The following TMEM41B variants were observed in gnomAD, a reference collection of about 807,000 sequenced individuals.
TMEM41B encodes transmembrane protein 41B, also known as protein stasimon.
A neutral mutation model predicts 31.9 loss-of-function variants in TMEM41B; 18 were observed. That is an observed-to-expected ratio of 0.56 (90% confidence interval 0.39 to 0.84). TMEM41B has a LOEUF of 0.84. TMEM41B is among the 40% of genes least tolerant of loss of function. The probability of loss-of-function intolerance (pLI) is 0.00; values close to 1 mark genes in which losing one functional copy is unlikely to be tolerated. For synonymous variants in TMEM41B, 144 were observed against 124.3 expected (o/e 1.16, Z -1.05); for missense variants, 322 against 348.0 (o/e 0.93, Z 0.59).
intron 6 of TMEM41B, among the ~76,000 whole-genome samples, chr11:9,285,558 C>A (rs980917109): frequency 2.0e-5 from 3 of 152,060 alleles, no homozygotes; most frequent in African/African-American, 7.2e-5. Context: ...AACATTCCTA[C>A]AAAGAATCAT....
At chr11:9,303,300 A>T (rs1853300654) in intron 1 of TMEM41B, among the ~76,000 whole-genome samples, 1 of 152,018 alleles carries the variant, frequency 6.6e-6, no homozygotes, top group Non-Finnish European at 1.5e-5. Context: ...TACCACACCC[A>T]GCTAATTTTT....
At chr11:9,303,547 T>C (rs1466766906) in intron 1 of TMEM41B, among the ~76,000 whole-genome samples, 1 of 152,156 alleles carries the variant, frequency 6.6e-6, no homozygotes, top group Non-Finnish European at 1.5e-5. Context: ...TTCTTACCTA[T>C]TCATTAAATT....
intron 2 of TMEM41B, among the ~76,000 whole-genome samples, chr11:9,298,096 C>G (rs1285529270): frequency 6.6e-6 from 1 of 150,824 alleles, no homozygotes. Flanking sequence ...GAGGTGTGAG[C>G]CCCTCTTTCT....
intron 2 of TMEM41B, among the ~76,000 whole-genome samples, chr11:9,296,673 A>G (rs1313604562): frequency 1.3e-5 from 2 of 152,114 alleles, no homozygotes; most frequent in African/African-American, 4.8e-5. Flanking sequence ...AAAACATTTA[A>G]CATCATTTTG....
intron 3 of TMEM41B, among the ~76,000 whole-genome samples, chr11:9,293,085 C>A (rs1331620018): frequency 6.6e-6 from 1 of 152,142 alleles, no homozygotes; most frequent in East Asian, 1.9e-4. Context: ...CATTTTATCT[C>A]TCTCCCTACA....
chr11:9,283,451 T>C lies in TMEM41B; in HGVS notation c.849A>G (p.Gln283=), dbSNP rs748340602. The change falls in exon 7 of 7, where the codon CAA becomes CAG. Residue 283 remains glutamine, a synonymous_variant. Transcript: ENST00000528080. ...ACTCAAATTTCTGCTTTAGTTTTTTTTGGAAGATGGCTGGCAGAATAGAAA... is the reference window on the plus strand; with the variant it reads ...ACTCAAATTTCTGCTTTAGTTTTTTCTGGAAGATGGCTGGCAGAATAGAAA... ...AVLSILPAIF[Q]KKLKQKFE The C allele has an allele frequency of 4.4e-6, 7 of 1,602,412 alleles. No homozygotes were observed. The South Asian group carries it at 6.9e-5, about 16-fold the overall frequency.
chr11:9,301,837 G>A (rs754365283), intron 1 of TMEM41B, among the ~76,000 whole-genome samples: 20 of 152,064 alleles, frequency 1.3e-4, no homozygotes, highest in Admixed American at 6.6e-4. Flanking sequence ...GTGGTACGCC[G>A]AAGACATGTA....
rs966379823 is a variant in TMEM41B at position 9,314,325 on chromosome 11, C to T, written c.117G>A (p.Gln39=). Reference sequence around the variant, plus strand: ...CTGCTCCCCGGGCCCACTCACCCTTCTGGTGGTCTCTGCTGCCAGGCGCCG... The same window carrying T: ...CTGCTCCCCGGGCCCACTCACCCTTTTGGTGGTCTCTGCTGCCAGGCGCCG... ...GLAAPGSRDH[Q]KEKSWVEAGS... is the part of the protein sequence containing the mutation. The change falls in exon 1 of 7, where the codon CAG becomes CAA. Residue 39 remains glutamine, a synonymous_variant. Transcript: ENST00000528080. The T allele has an allele frequency of 9.4e-6, 15 of 1,598,628 alleles. No homozygotes were observed. Among genetic ancestry groups the T allele is most frequent in the East Asian group, 2.3e-5 (1 of 44,072 alleles).
At position 9,303,408 on chromosome 11, in the gene TMEM41B, G is replaced by C. The variant is rs1346971542; in HGVS notation, c.122-3707C>G. Among the ~76,000 whole-genome samples the C allele has an allele frequency of 2.6e-5, 4 of 151,994 alleles. No homozygotes were observed. The East Asian group carries it at 5.8e-4, about 22-fold the overall frequency. ...GCCCACCTCGGCCTACCAAAGTGCA[G>C]GGATTATAGGCGTGAATGAGTGTGC... On this transcript the variant is annotated intron_variant, in intron 1 of 6. Coordinates refer to ENST00000528080, the MANE Select transcript of TMEM41B (RefSeq NM_015012.4).
chr11:9,305,988 T>C (rs1218948418), intron 1 of TMEM41B, among the ~76,000 whole-genome samples: 2 of 147,782 alleles, frequency 1.4e-5, no homozygotes, highest in African/African-American at 5.0e-5. Context: ...TCTTTTTTTT[T>C]TTTTTTTTGA....
At position 9,283,085 on chromosome 11, in the gene TMEM41B, T is replaced by C. The variant is rs910167818; in HGVS notation, c.*339A>G. The C allele has an allele frequency of 6.3e-6, 1 of 159,100 alleles. No individual in the cohort carries two copies. Among genetic ancestry groups the C allele is most frequent in the African/African-American group, 2.4e-5 (1 of 41,734 alleles). The allele number at this position is 159,100 out of a possible 1,614,324, so 9.9% of individuals were successfully genotyped here. Reference sequence around the variant, plus strand: ...AATTTAAAAATATCTATTTTAGTTATTAAAGATAAAAAATATTCAATTAAA... The same window carrying C: ...AATTTAAAAATATCTATTTTAGTTACTAAAGATAAAAAATATTCAATTAAA... On this transcript the variant is annotated 3_prime_UTR_variant, in exon 7 of 7. Coordinates refer to ENST00000528080, the MANE Select transcript of TMEM41B (RefSeq NM_015012.4).
At chr11:9,295,424 T>A (rs758518573) in intron 2 of TMEM41B, 37 bp from the exon 3 acceptor site, 1 of 1,325,954 alleles carries the variant, frequency 7.5e-7, no homozygotes, top group Non-Finnish European at 1.1e-6. Context: ...GAACAGAATT[T>A]TGCCAAGATA....
chr11:9,313,929 GCTTTATGA>G (rs1351591607), intron 1 of TMEM41B, among the ~76,000 whole-genome samples: 1 of 152,032 alleles, frequency 6.6e-6, no homozygotes, highest in African/African-American at 2.4e-5. Context: ...CACTGATCTG[GCTTTATGA>G]CTTTATAAGT....
chr11:9,289,319 G>T (rs1564960596), intron 3 of TMEM41B, among the ~76,000 whole-genome samples: 1 of 29,384 alleles, frequency 3.4e-5, no homozygotes, highest in African/African-American at 6.1e-5. Context: ...TTTTAAAATA[G>T]ATTTTTTTTT....
chr11:9,301,076 A>G (rs183150412), intron 1 of TMEM41B, among the ~76,000 whole-genome samples: 147 of 152,132 alleles, frequency 9.7e-4, no homozygotes, highest in African/African-American at 3.0e-3. Context: ...GTATACACTG[A>G]TAATACTCAA....
At chr11:9,294,558 T>C (rs1287790416) in intron 3 of TMEM41B, among the ~76,000 whole-genome samples, 3 of 151,722 alleles carry the variant, frequency 2.0e-5, no homozygotes, top group African/African-American at 7.3e-5. Context: ...AAATTACGTC[T>C]TTCATTAACT....
chr11:9,301,928 C>T (rs995755946), intron 1 of TMEM41B, among the ~76,000 whole-genome samples: 5 of 151,572 alleles, frequency 3.3e-5, no homozygotes, highest in Non-Finnish European at 4.4e-5. Flanking sequence ...TGATTTCTAA[C>T]GTTCCACTTC....
At chr11:9,311,230 T>A in intron 1 of TMEM41B, 1 of 1,472,800 alleles carries the variant, frequency 6.8e-7, no homozygotes, top group Non-Finnish European at 9.2e-7. Flanking sequence ...TGAAGCTTGA[T>A]AGGAGAGCAG....
intron 1 of TMEM41B, among the ~76,000 whole-genome samples, chr11:9,302,478 A>G (rs1464067208): frequency 1.0e-5 from 1 of 99,858 alleles, no homozygotes; most frequent in African/African-American, 3.9e-5. Context: ...CCCCCGCAAG[A>G]GACAGGGTCT....
Sources: gnomAD v4.1 joint callset for allele counts (sites outside exome capture counted in the v4.1 genomes callset) on GRCh38, gnomAD v4.1.1 for gene constraint, MANE v1.5 for transcripts, NCBI Gene and HGNC (gene_info 2026-07-23, HGNC 2026-07-21) for gene names.